Variants in TYMS observed in about 807,000 individuals in gnomAD.
TYMS encodes thymidylate synthase.
TYMS carries 21 observed loss-of-function variants against 39.3 expected under a neutral mutation model. The observed-to-expected ratio is 0.54, with a 90% CI of 0.38 to 0.77. The LOEUF is 0.77. Among genes scored for constraint, TYMS ranks in the 30% least tolerant of loss-of-function variants. The pLI is 0.00. For synonymous variants in TYMS, 171 were observed against 162.2 expected (o/e 1.05, Z -0.41); for missense variants, 273 against 406.7 (o/e 0.67, Z 2.83).
chr18:658,264 A>T lies in TYMS; in HGVS notation c.205+317A>T, dbSNP rs773316519. On this transcript the variant is annotated intron_variant, in intron 1 of 6. Transcript: ENST00000323274. This position sits in a 1 kb window ranked among gnomAD's most constrained non-coding sequence, Gnocchi z 4.5. ...GGGCGTCATCGGGCAGCGTTTGCCC[A>T]GTGCTGGAGGGTTAGGGAGAGCTGC... 1.4e-6 allele frequency: 2 copies of T among 1,455,938 alleles called. No homozygotes were observed. The highest frequency in any genetic ancestry group is 1.8e-6 in the Non-Finnish European group (2 of 1,085,932). The allele number at this position is 1,455,938 out of a possible 1,614,324, so 90.2% of individuals were successfully genotyped here. A position where few individuals can be genotyped will look rare whatever the true frequency, so the allele number is the denominator to read the frequency against.
At chr18:670,622 T>TTTTAC (rs1307007684) in intron 4 of TYMS, 70 bp from the exon 5 acceptor site, 3 of 1,550,234 alleles carry the variant, frequency 1.9e-6, no homozygotes, top group Non-Finnish European at 2.6e-6. Context: ...TTCTCTCCTG[T>TTTTAC]TTTACTTTGC....
intron 2 of TYMS, 148 bp from the exon 3 acceptor site, chr18:661,998 G>T: frequency 2.6e-6 from 2 of 771,188 alleles, no homozygotes; most frequent in Non-Finnish European, 4.0e-6. Context: ...CAAAAAAAAG[G>T]ATGGGTTCCA....
Position 670,682 on chromosome 18 carries a change from G to A in TYMS, c.557-10G>A. ...CCATCCCTCCTTATCTTCCTCTGCT[G>A]GTTCCTCAGATCTTCCTCTGATGGC... On this transcript the variant is annotated splice_polypyrimidine_tract_variant and intron_variant, in intron 4 of 6. Coordinates refer to ENST00000323274, the MANE Select transcript of TYMS (RefSeq NM_001071.4). 1 of 1,613,318 alleles carries A rather than the reference G, an allele frequency of 6.2e-7. No homozygotes were observed. The highest frequency in any genetic ancestry group is 8.5e-7 in the Non-Finnish European group (1 of 1,179,532).
chr18:672,318 TGGA>T (rs2075099665), intron 6 of TYMS: 1 of 152,206 alleles, frequency 6.6e-6, no homozygotes, highest in African/African-American at 2.4e-5. Context: ...TGCTTTTGAG[TGGA>T]GGTGACTTCA....
At chr18:661,005 A>G (rs2244500) in intron 2 of TYMS, among the ~76,000 whole-genome samples, 84,019 of 151,990 alleles carry the variant, frequency 0.55, 24,838 homozygotes, top group African/African-American at 0.78. Flanking sequence ...CTAACAATGA[A>G]CCTTGGATTT....
Position 658,031 on chromosome 18 carries a change from G to A in TYMS, c.205+84G>A. ...GAGCGCTCGGGAGCTGCCGGGCGCT[G>A]CGGACCCCGTTTAGTCCTAACCTCA... On this transcript the variant is annotated intron_variant, in intron 1 of 6. Transcript: ENST00000323274. This position sits in a 1 kb window ranked among gnomAD's most constrained non-coding sequence, Gnocchi z 4.5. 1 of 1,539,402 alleles carries A rather than the reference G, an allele frequency of 6.5e-7. No individual in the cohort carries two copies. The highest frequency in any genetic ancestry group is 8.7e-7 in the Non-Finnish European group (1 of 1,144,340).
At chr18:669,665 A>ATTCT (rs1306140247) in intron 4 of TYMS, among the ~76,000 whole-genome samples, 1 of 152,158 alleles carries the variant, frequency 6.6e-6, no homozygotes, top group African/African-American at 2.4e-5. Flanking sequence ...ATTTATACTC[A>ATTCT]TTCTTACACC....
intron 6 of TYMS, 28 bp from the exon 7 acceptor site, chr18:672,832 C>CA (rs1263812811): frequency 6.5e-7 from 1 of 1,540,790 alleles, no homozygotes; most frequent in African/African-American, 1.4e-5. Flanking sequence ...ACAATTATGG[C>CA]AAAATAATGG....
At chr18:670,630 T>G in intron 4 of TYMS, 62 bp from the exon 5 acceptor site, 2 of 1,569,766 alleles carry the variant, frequency 1.3e-6, no homozygotes, top group Middle Eastern at 3.4e-4. Context: ...TGTTTTACTT[T>G]GCCTTTAGCT....
intron 6 of TYMS, 25 bp downstream of exon 6, chr18:671,476 G>C: frequency 6.6e-7 from 1 of 1,512,346 alleles, no homozygotes; most frequent in Non-Finnish European, 9.2e-7. Flanking sequence ...TTATACTTTT[G>C]GGTTTGGTAC....
rs1354921892 is a variant in TYMS at position 673,179 on chromosome 18, A to G, written c.*182A>G. ...AAATGTAACTGTGCCAGTTCTTTCC[A>G]TAATAAAAGGCTTTGAGTTAACTCA... is the stretch of plus-strand genomic sequence containing the variant. On this transcript the variant is annotated 3_prime_UTR_variant, in exon 7 of 7. Transcript: ENST00000323274. 7 of 565,020 alleles carry G rather than the reference A, an allele frequency of 1.2e-5. No homozygotes were observed. The Admixed American group carries it at 2.0e-4, about 16-fold the overall frequency. The allele number at this position is 565,020 out of a possible 1,614,324, so 35.0% of individuals were successfully genotyped here. A position where few individuals can be genotyped will look rare whatever the true frequency, so the allele number is the denominator to read the frequency against.
intron 3 of TYMS, among the ~76,000 whole-genome samples, chr18:668,364 A>G (rs541611975): frequency 3.4e-4 from 52 of 152,338 alleles, no homozygotes; most frequent in African/African-American, 9.4e-4. Context: ...GAGATTATGA[A>G]GCTCTGCACT....
At chr18:670,197 TG>T (rs1450232195) in intron 4 of TYMS, 2 of 153,362 alleles carry the variant, frequency 1.3e-5, no homozygotes, top group African/African-American at 4.8e-5. Context: ...CGCGAATTTT[TG>T]TATTTTTAGC....
intron 2 of TYMS, among the ~76,000 whole-genome samples, chr18:661,081 A>G (rs1198639014): frequency 6.6e-6 from 1 of 152,240 alleles, no homozygotes; most frequent in African/African-American, 2.4e-5. Flanking sequence ...GTCTGAATGG[A>G]TGAAAAGGAG....
rs2075007593 is a variant in TYMS at position 670,811 on chromosome 18, A to G, written c.676A>G (p.Asn226Asp). Residue 226 changes from asparagine (N) to aspartate (D), a missense_variant, in exon 5 of 7, where the codon AAC becomes GAC. By Grantham distance (23) the Asn-to-Asp change is conservative. Coordinates refer to ENST00000323274, the MANE Select transcript of TYMS (RefSeq NM_001071.4). ...SGDMGLGVPFNIASYALLTYM... is the reference protein window; with the variant it reads ...SGDMGLGVPFDIASYALLTYM... ...AGACATGGGCCTCGGTGTGCCTTTC[A>G]ACATCGCCAGCTACGCCCTGCTCAC... 1 of 1,613,944 alleles carries G rather than the reference A, an allele frequency of 6.2e-7. No homozygotes were observed.
In TYMS at chr18:670,119, C is replaced by T. The variant is rs531908913; in HGVS notation, c.557-573C>T. 1.1e-4 allele frequency among the ~76,000 whole-genome samples: 17 copies of T among 151,382 alleles called. No individual in the cohort carries two copies. The East Asian group carries it at 2.4e-3, about 21-fold the overall frequency. On this transcript the variant is annotated intron_variant, in intron 4 of 6. Coordinates refer to ENST00000323274, the MANE Select transcript of TYMS (RefSeq NM_001071.4). ...AGTGCAGTGGTGTGATCTCCGCTCA[C>T]GGCAACCTCCATCTCCCAGGTTCAA...
intron 3 of TYMS, among the ~76,000 whole-genome samples, chr18:667,215 A>C (rs199669335): frequency 1.6e-4 from 4 of 25,384 alleles, no homozygotes; most frequent in African/African-American, 3.7e-4. Flanking sequence ...ATGGTGATGG[A>C]GATGGTGATG....
chr18:668,630 A>G (rs2074906893), intron 3 of TYMS, among the ~76,000 whole-genome samples: 1 of 152,260 alleles, frequency 6.6e-6, no homozygotes, highest in Non-Finnish European at 1.5e-5. Context: ...ATGGAATACT[A>G]TATTCTACAT....
rs1407566028 is a variant in TYMS, at chr18:660,375, G to A, written c.279+661G>A. 6.6e-6 allele frequency among the ~76,000 whole-genome samples: 1 copy of A among 152,172 alleles called. No individual in the cohort carries two copies. The highest frequency in any genetic ancestry group is 1.9e-4 in the East Asian group (1 of 5,194). ...GTGACTCTCCCCCAACCTCCTTGGT[G>A]TTTCTCCATAGACGAACATCACCAT... On this transcript the variant is annotated intron_variant, in intron 2 of 6. Transcript: ENST00000323274. The surrounding 1 kb of genome is among the most constrained non-coding windows in gnomAD (Gnocchi z 4.6).
Sources: allele counts gnomAD v4.1 joint callset (sites outside exome capture counted in the v4.1 genomes callset), GRCh38; gene constraint gnomAD v4.1.1; non-coding constraint Gnocchi (gnomAD v3.1); transcripts MANE v1.5; gene names NCBI Gene and HGNC (gene_info 2026-07-23, HGNC 2026-07-21).